RBFOX1: variants seen among roughly 807,000 people sequenced by gnomAD.
The protein encoded by RBFOX1 is RNA binding protein fox-1 homolog 1.
RBFOX1 carries 8 observed loss-of-function variants against 57.7 expected under a neutral mutation model. The ratio of observed to expected loss-of-function variants is 0.14; its 90% confidence interval spans 0.08 to 0.25. RBFOX1 has a LOEUF of 0.25. Among genes scored for constraint, RBFOX1 ranks in the 10% least tolerant of loss-of-function variants. RBFOX1 has a pLI of 1.00. For synonymous variants in RBFOX1, 326 were observed against 222.4 expected (o/e 1.47, Z -4.15); for missense variants, 611 against 548.5 (o/e 1.11, Z -1.14).
chr16:6,515,712 C>T (rs1435070873), intron 2 of RBFOX1, among the ~76,000 whole-genome samples: 2 of 152,146 alleles, frequency 1.3e-5, no homozygotes, highest in Non-Finnish European at 2.9e-5. Context: ...CCTGCTTTGA[C>T]TTCAGGCTAC....
rs570892836 is a variant in RBFOX1 at position 7,365,801 on chromosome 16, A to C, written c.28-152346A>C. Among the ~76,000 whole-genome samples the C allele has an allele frequency of 1.7e-4, 26 of 152,346 alleles. No homozygotes were observed. In the East Asian group the frequency reaches 4.8e-3, roughly 28 times the overall value. ...GTCAGTGTATGCAAAGTGATGACTC[A>C]ACAGGGAAGATACAGGTATCTCTTA... On this transcript the variant is annotated intron_variant, in intron 4 of 15. Transcript: ENST00000550418.
chr16:6,592,134 A>T (rs1400846367), intron 2 of RBFOX1, among the ~76,000 whole-genome samples: 1 of 152,210 alleles, frequency 6.6e-6, no homozygotes, highest in Non-Finnish European at 1.5e-5. Flanking sequence ...CCAGAATTTC[A>T]CATGTATCTC....
At chr16:7,110,585 T>C (rs922606401) in intron 4 of RBFOX1, among the ~76,000 whole-genome samples, 3 of 152,174 alleles carry the variant, frequency 2.0e-5, no homozygotes, top group African/African-American at 7.2e-5. Flanking sequence ...GAGGGATCTC[T>C]GGGCACGAAG....
intron 5 of RBFOX1, among the ~76,000 whole-genome samples, chr16:7,576,947 A>G (rs2093385102): frequency 6.6e-6 from 1 of 152,128 alleles, no homozygotes; most frequent in Non-Finnish European, 1.5e-5. Flanking sequence ...AAACCCCTTA[A>G]CTTCTGAAAA....
intron 2 of RBFOX1, among the ~76,000 whole-genome samples, chr16:5,517,978 G>T (rs570642490): frequency 6.7e-6 from 1 of 150,116 alleles, no homozygotes; most frequent in Non-Finnish European, 1.5e-5. Flanking sequence ...GCTTTTATTG[G>T]GAAAAGTTTC....
At chr16:7,057,085 G>C (rs926558857) in intron 4 of RBFOX1, among the ~76,000 whole-genome samples, 10 of 150,028 alleles carry the variant, frequency 6.7e-5, no homozygotes, top group African/African-American at 2.2e-4. Flanking sequence ...TGTTAATACA[G>C]TGTTATTCCC....
At chr16:7,381,560 C>G (rs1002337567) in intron 4 of RBFOX1, among the ~76,000 whole-genome samples, 1 of 151,852 alleles carries the variant, frequency 6.6e-6, no homozygotes, top group South Asian at 2.1e-4. Flanking sequence ...TGAATATACC[C>G]TAAAAAGAGG....
intron 1 of RBFOX1, among the ~76,000 whole-genome samples, chr16:5,395,067 C>G (rs1480627775): frequency 6.6e-6 from 1 of 152,206 alleles, no homozygotes; most frequent in African/African-American, 2.4e-5. Context: ...TCTTCCCAAC[C>G]TGCCCGTTCA....
chr16:7,206,499 A>C lies in RBFOX1; in HGVS notation c.27+154401A>C, dbSNP rs149360174. On this transcript the variant is annotated intron_variant, in intron 4 of 15. Transcript: ENST00000550418. The stretch of plus-strand genomic sequence containing the variant: ...TGCATATATATATGCACACACACAC[A>C]CATATATTTTAGAAAGACACTTGCA... 2.0e-3 allele frequency among the ~76,000 whole-genome samples: 302 copies of C among 151,722 alleles called. 1 individual carries two copies. The highest frequency in any genetic ancestry group is 6.9e-3 in the African/African-American group (285 of 41,410).
At chr16:7,039,969 T>A (rs1006789666) in intron 3 of RBFOX1, among the ~76,000 whole-genome samples, 4 of 151,864 alleles carry the variant, frequency 2.6e-5, no homozygotes, top group Non-Finnish European at 5.9e-5. Context: ...ATAGCCACCC[T>A]ACATTTACTC....
At chr16:5,451,698 T>C (rs1249575564) in intron 1 of RBFOX1, among the ~76,000 whole-genome samples, 1 of 152,206 alleles carries the variant, frequency 6.6e-6, no homozygotes, top group Non-Finnish European at 1.5e-5. Flanking sequence ...GTCCCTGGTT[T>C]TAATGATAGG....
intron 3 of RBFOX1, among the ~76,000 whole-genome samples, chr16:7,044,813 A>G (rs369918843): frequency 4.5e-4 from 68 of 152,166 alleles, no homozygotes; most frequent in African/African-American, 1.6e-3. Context: ...GTCTTTCTTC[A>G]TCACAGACTG....
At chr16:6,187,885 T>G (rs1194995051) in intron 1 of RBFOX1, among the ~76,000 whole-genome samples, 1 of 152,198 alleles carries the variant, frequency 6.6e-6, no homozygotes, top group African/African-American at 2.4e-5. Context: ...GTGTTAACCT[T>G]AGAATGTTAC....
chr16:5,642,159 A>G (rs1166096374), intron 3 of RBFOX1, among the ~76,000 whole-genome samples: 1 of 152,174 alleles, frequency 6.6e-6, no homozygotes, highest in Non-Finnish European at 1.5e-5. Flanking sequence ...CCATGTGCTC[A>G]TTGAATCAGT....
chr16:6,824,697 TC>T (rs1221424236), intron 3 of RBFOX1, among the ~76,000 whole-genome samples: 2 of 152,146 alleles, frequency 1.3e-5, no homozygotes, highest in African/African-American at 2.4e-5. Context: ...ATAATGTTTT[TC>T]TTGTATATAC....
At chr16:6,183,769 G>T (rs1019666278) in intron 1 of RBFOX1, among the ~76,000 whole-genome samples, 1 of 152,224 alleles carries the variant, frequency 6.6e-6, no homozygotes, top group African/African-American at 2.4e-5. Context: ...GGGTAGGGGA[G>T]AAAAAGAGAC....
intron 1 of RBFOX1, chr16:6,038,785 T>G (rs2095403209): frequency 6.7e-6 from 1 of 149,066 alleles, no homozygotes; most frequent in South Asian, 2.1e-4. Context: ...TAAGTGGAAT[T>G]ATTTACCACT....
intron 4 of RBFOX1, among the ~76,000 whole-genome samples, chr16:5,966,927 A>T (rs1361561026): frequency 2.4e-5 from 3 of 124,120 alleles, no homozygotes; most frequent in African/African-American, 3.1e-5. Context: ...ATCACTGAAG[A>T]TTTATTTTCT....
chr16:6,456,862 G>T (rs1162799014), intron 2 of RBFOX1, among the ~76,000 whole-genome samples: 2 of 152,200 alleles, frequency 1.3e-5, no homozygotes, highest in Admixed American at 6.5e-5. Context: ...TTGGATTCAT[G>T]TACCATTTAA....
Sources: gnomAD v4.1 joint callset for allele counts (sites outside exome capture counted in the v4.1 genomes callset) on GRCh38, gnomAD v4.1.1 for gene constraint, MANE v1.5 for transcripts, NCBI Gene and HGNC (gene_info 2026-07-23, HGNC 2026-07-21) for gene names.